Variants in ARG2 observed in about 807,000 individuals in gnomAD.
ARG2 encodes the protein arginase 2.
In ARG2, 21 loss-of-function variants were observed where a neutral mutation model predicts 39.4. The ratio of observed to expected loss-of-function variants is 0.53; its 90% CI spans 0.38 to 0.77. The LOEUF is 0.77. Among genes scored for constraint, ARG2 ranks in the 30% least tolerant of loss-of-function variants. The pLI, the probability that ARG2 is intolerant of heterozygous loss-of-function variation, is 0.00. For missense variants in ARG2, 378 were observed against 426.2 expected, an observed-to-expected ratio of 0.89 and a Z score of 1.00; for synonymous variants, 150 against 156.7, an observed-to-expected ratio of 0.96 and a Z score of 0.32.
Position 67,620,038 on chromosome 14 carries a change from A to T in ARG2, c.61A>T (p.Lys21Ter). ...LQTRVHSILKKSVHSVAVIGA... is the reference protein window; with the variant it reads ...LQTRVHSILK ...GACGCGAGTGCATTCCATCCTGAAG[A>T]AATCCGTCCACTCCGTGGCTGTGAT... The change falls in exon 1 of 8, where the codon AAA becomes TAA. Residue 21 changes from lysine (K) to a stop codon, truncating the protein, a stop_gained. Coordinates refer to ENST00000261783, the MANE Select transcript of ARG2 (RefSeq NM_001172.4). LOFTEE classifies it high-confidence loss of function. 1 of 1,612,256 alleles carries T rather than the reference A, an allele frequency of 6.2e-7. No homozygotes were observed. Among genetic ancestry groups the T allele is most frequent in the South Asian group, 1.1e-5 (1 of 90,774 alleles).
chr14:67,626,418 A>G (rs755085161), intron 2 of ARG2, among the ~76,000 whole-genome samples: 6 of 152,224 alleles, frequency 3.9e-5, no homozygotes, highest in Non-Finnish European at 8.8e-5. Context: ...ACTTTGGAAA[A>G]CAGTTTGGCA....
intron 2 of ARG2, among the ~76,000 whole-genome samples, chr14:67,625,629 G>A (rs1490238054): frequency 7.3e-6 from 1 of 136,286 alleles, no homozygotes; most frequent in Non-Finnish European, 1.5e-5. Context: ...GTGATGAGCC[G>A]AGATTGTGCC....
At chr14:67,620,749 C>A in intron 1 of ARG2, 145 bp from the exon 2 acceptor site, 2 of 741,246 alleles carry the variant, frequency 2.7e-6, no homozygotes, top group Non-Finnish European at 4.5e-6. Flanking sequence ...GTGATTCCAA[C>A]AATGGAGTTG....
chr14:67,625,450 A>T (rs1038194094), intron 2 of ARG2, among the ~76,000 whole-genome samples: 15 of 152,040 alleles, frequency 9.9e-5, no homozygotes, highest in Non-Finnish European at 2.1e-4. Context: ...AGGCTGAGGC[A>T]GGCGGATCAC....
At position 67,650,875 on chromosome 14, in the gene ARG2, C is replaced by T. The variant is rs2037165704; in HGVS notation, c.1020C>T (p.Pro340=). Residue 340 remains proline (P), a synonymous_variant, in exon 8 of 8, where the codon CCC becomes CCT. Coordinates refer to ENST00000261783, the MANE Select transcript of ARG2 (RefSeq NM_001172.4). Reference sequence around the variant, plus strand: ...TTGTCTATGACCAACTTCCTACTCCCAGTTCACCAGATGAATCAGAAAATC... The same window carrying T: ...TTGTCTATGACCAACTTCCTACTCCTAGTTCACCAGATGAATCAGAAAATC... ...GHIVYDQLPT[P]SSPDESENQA... 2.5e-6 allele frequency: 4 copies of T among 1,614,156 alleles called. No individual in the cohort carries two copies. The highest frequency in any genetic ancestry group is 2.5e-6 in the Non-Finnish European group (3 of 1,180,008).
chr14:67,642,787 C>T lies in ARG2; in HGVS notation c.362+424C>T, dbSNP rs182083769. Among the ~76,000 whole-genome samples the T allele has an allele frequency of 2.9e-3, 207 of 72,100 alleles. 3 individuals carry two copies. The Middle Eastern group carries it at 0.039, about 14-fold the overall frequency. 47.3% of individuals were successfully genotyped at this position (72,100 alleles called of 152,430 possible). A position where few individuals can be genotyped will look rare whatever the true frequency, so the allele number is the denominator to read the frequency against. ...AGAAATCCCCTTTGGCATGTTACTA[C>T]ATTTTCTTTTTTTTTTTTTTTTTTT... On this transcript the variant is annotated intron_variant, in intron 3 of 7. Coordinates refer to ENST00000261783, the MANE Select transcript of ARG2 (RefSeq NM_001172.4).
At chr14:67,648,454 A>T in intron 7 of ARG2, 1 of 272,974 alleles carries the variant, frequency 3.7e-6, no homozygotes, top group Non-Finnish European at 6.8e-6. Context: ...AAATTGTCAA[A>T]CTGATGCAGT....
intron 2 of ARG2, among the ~76,000 whole-genome samples, chr14:67,637,410 CAAAAAAAAAAAAAA>C (rs34746542): frequency 5.8e-5 from 6 of 103,620 alleles, no homozygotes; most frequent in African/African-American, 1.8e-4. Flanking sequence ...GACTCTGTCT[CAAAAAAAAAAAAAA>C]AAAAAAAAAG....
intron 2 of ARG2, among the ~76,000 whole-genome samples, chr14:67,632,586 G>A (rs181212691): frequency 5.9e-4 from 90 of 152,214 alleles, no homozygotes; most frequent in Non-Finnish European, 9.7e-4. Flanking sequence ...CCCTTCTGTA[G>A]GAACTGAGAG....
intron 3 of ARG2, 70 bp downstream of exon 3, chr14:67,642,433 T>C: frequency 6.5e-7 from 1 of 1,528,016 alleles, no homozygotes; most frequent in South Asian, 1.2e-5. Context: ...TTAGCTTCTT[T>C]ATCTGTTTCT....
intron 2 of ARG2, among the ~76,000 whole-genome samples, chr14:67,637,428 A>AAAAAAAAGAACTTTAAT (rs2036984935): frequency 6.9e-6 from 1 of 144,132 alleles, no homozygotes; most frequent in Non-Finnish European, 1.5e-5. Flanking sequence ...AAAAAAAAAA[A>AAAAAAAAGAACTTTAAT]AAAAAGAACT....
At chr14:67,642,096 C>T in intron 2 of ARG2, 90 bp from the exon 3 acceptor site, 2 of 1,247,804 alleles carry the variant, frequency 1.6e-6, no homozygotes, top group Non-Finnish European at 2.3e-6. Flanking sequence ...ATGATGTGTA[C>T]TTTGTCACGT....
chr14:67,644,292 C>CT, intron 3 of ARG2, among the ~76,000 whole-genome samples: 1 of 152,324 alleles, frequency 6.6e-6, no homozygotes, highest in South Asian at 2.1e-4. Flanking sequence ...CAAAGCAACT[C>CT]TGATTTACAC....
chr14:67,646,912 T>G lies in ARG2; in HGVS notation c.618-9T>G, dbSNP rs764379736. 1 of 1,546,108 alleles carries G rather than the reference T, an allele frequency of 6.5e-7. No homozygotes were observed. Among genetic ancestry groups the G allele is most frequent in the South Asian group, 1.1e-5 (1 of 89,452 alleles). ...AACTAAGGACTCCTCCCTTTATATC[T>G]CATCACAGTTTTATTTTAAAGAACT... On this transcript the variant is annotated splice_polypyrimidine_tract_variant and intron_variant, in intron 5 of 7. Coordinates refer to ENST00000261783, the MANE Select transcript of ARG2 (RefSeq NM_001172.4).
At chr14:67,633,727 C>T (rs745750134) in intron 2 of ARG2, among the ~76,000 whole-genome samples, 10 of 152,186 alleles carry the variant, frequency 6.6e-5, no homozygotes, top group Non-Finnish European at 8.8e-5. Context: ...GGCCTTGCCC[C>T]GGCTCCTGCC....
In ARG2 at chr14:67,650,739, T is replaced by C. The variant is rs772276999; in HGVS notation, c.884T>C (p.Val295Ala). The change falls in exon 8 of 8, where the codon GTT becomes GCT. Residue 295 changes from valine (V) to alanine (A), a missense_variant. Val to Ala is a moderately conservative substitution (Grantham distance 64, BLOSUM62 0). Coordinates refer to ENST00000261783, the MANE Select transcript of ARG2 (RefSeq NM_001172.4). ...GGGTTGCTATCAGCACTGGATCTTG[T>C]TGAAGTCAATCCTCAGTTGGCCACC... ...NTGLLSALDL[V>A]EVNPQLATSE... 6.2e-6 allele frequency: 10 copies of C among 1,614,066 alleles called. No homozygotes were observed. Among genetic ancestry groups the C allele is most frequent in the Non-Finnish European group, 7.6e-6 (9 of 1,180,024 alleles).
intron 2 of ARG2, among the ~76,000 whole-genome samples, chr14:67,634,575 C>G (rs2036950461): frequency 7.3e-6 from 1 of 136,288 alleles, no homozygotes; most frequent in African/African-American, 2.7e-5. Context: ...TCTTGGGCAA[C>G]AGAACCAGAC....
intron 6 of ARG2, 127 bp downstream of exon 6, chr14:67,647,152 C>A: frequency 1.6e-6 from 1 of 630,570 alleles, no homozygotes; most frequent in Non-Finnish European, 2.7e-6. Flanking sequence ...TTAAATAGTT[C>A]AGAAAGGCAA....
chr14:67,632,079 T>C (rs1228943457), intron 2 of ARG2, among the ~76,000 whole-genome samples: 1 of 151,928 alleles, frequency 6.6e-6, no homozygotes, highest in Non-Finnish European at 1.5e-5. Flanking sequence ...AGAGATGAGG[T>C]CTCACTATGC....
Sources: gnomAD v4.1 joint callset for allele counts (sites outside exome capture counted in the v4.1 genomes callset) on GRCh38, gnomAD v4.1.1 for gene constraint, MANE v1.5 for transcripts, NCBI Gene and HGNC (gene_info 2026-07-23, HGNC 2026-07-21) for gene names.